The following TCF12 variants were observed in gnomAD, a reference collection of about 807,000 sequenced individuals.
TCF12 encodes the protein DNA-binding protein HTF4.
A neutral mutation model predicts 86.0 loss-of-function variants in TCF12; 45 were observed. That is an observed-to-expected ratio of 0.52 (90% CI 0.41 to 0.67). TCF12 has a LOEUF of 0.67. Ranked by LOEUF, TCF12 falls within the 30% of genes least tolerant of loss-of-function variation. The pLI is 0.00. For missense variants in TCF12, 881 were observed against 859.9 expected (o/e 1.02, Z -0.31); for synonymous variants, 330 against 299.6 (o/e 1.10, Z -1.05).
chr15:57,156,917 G>C (rs1297390923), intron 5 of TCF12, among the ~76,000 whole-genome samples: 1 of 152,174 alleles, frequency 6.6e-6, no homozygotes, highest in African/African-American at 2.4e-5. Context: ...ATTGATACAA[G>C]GATTTGGTGG....
chr15:57,256,268 A>G (rs2060341673), intron 16 of TCF12, among the ~76,000 whole-genome samples: 2 of 152,150 alleles, frequency 1.3e-5, no homozygotes, highest in African/African-American at 2.4e-5. Context: ...CATGTTATTG[A>G]GGAAGACTGT....
At chr15:56,967,812 A>G (rs1424658735) in intron 3 of TCF12, among the ~76,000 whole-genome samples, 1 of 152,212 alleles carries the variant, frequency 6.6e-6, no homozygotes, top group Non-Finnish European at 1.5e-5. Flanking sequence ...TTATCTGGGA[A>G]GAACTTAAAC....
At chr15:57,131,873 G>A (rs866282930) in intron 5 of TCF12, among the ~76,000 whole-genome samples, 1 of 152,086 alleles carries the variant, frequency 6.6e-6, no homozygotes, top group Admixed American at 6.5e-5. Context: ...TTCTGATTTG[G>A]GTCTGATGTC....
Position 57,071,265 on chromosome 15 carries a change from A to T in TCF12, c.222+7442A>T, listed in dbSNP as rs1435133765. 2.6e-5 allele frequency among the ~76,000 whole-genome samples: 4 copies of T among 151,408 alleles called. No individual in the cohort carries two copies. The East Asian group carries it at 7.8e-4, about 29-fold the overall frequency. ...CTACAAAAAATAGAAAAAAAAAAAA[A>T]TCCAGGTCTGGTGGTGCGCACCTGT... is the stretch of plus-strand genomic sequence containing the variant. On this transcript the variant is annotated intron_variant, in intron 4 of 20. Transcript: ENST00000333725.
intron 5 of TCF12, among the ~76,000 whole-genome samples, chr15:57,144,136 T>A (rs2053192785): frequency 6.6e-6 from 1 of 152,182 alleles, no homozygotes; most frequent in African/African-American, 2.4e-5. Context: ...AAGATGATGT[T>A]CTTGTATGGA....
At chr15:57,145,841 G>A (rs1478105924) in intron 5 of TCF12, among the ~76,000 whole-genome samples, 1 of 152,140 alleles carries the variant, frequency 6.6e-6, no homozygotes, top group African/African-American at 2.4e-5. Context: ...TGATAGTTGA[G>A]GGTAGGAAGG....
At chr15:57,046,280 C>A (rs2067227409) in intron 3 of TCF12, among the ~76,000 whole-genome samples, 1 of 152,198 alleles carries the variant, frequency 6.6e-6, no homozygotes, top group African/African-American at 2.4e-5. Flanking sequence ...CTAGCTAATT[C>A]TAAAGCATGT....
At chr15:57,241,961 C>A (rs929654717) in intron 12 of TCF12, among the ~76,000 whole-genome samples, 2 of 151,966 alleles carry the variant, frequency 1.3e-5, no homozygotes, top group Admixed American at 6.6e-5. Context: ...CACTGCACTC[C>A]AGCCTGGGTA....
chr15:57,170,690 A>ATATATATAT (rs2055322989), intron 6 of TCF12, among the ~76,000 whole-genome samples: 2 of 3,358 alleles, frequency 6.0e-4, no homozygotes, highest in African/African-American at 1.2e-3. Flanking sequence ...ATTATATATA[A>ATATATATAT]TATATATTAT....
intron 5 of TCF12, among the ~76,000 whole-genome samples, chr15:57,143,545 T>A (rs1336823971): frequency 1.3e-5 from 2 of 152,140 alleles, no homozygotes; most frequent in African/African-American, 4.8e-5. Context: ...AAAAATGGAT[T>A]TTGTGTTCCA....
intron 5 of TCF12, among the ~76,000 whole-genome samples, chr15:57,133,849 C>T (rs1259135328): frequency 6.6e-6 from 1 of 152,140 alleles, no homozygotes; most frequent in Non-Finnish European, 1.5e-5. Flanking sequence ...TTTTTACCTC[C>T]TCTTCATAAT....
chr15:57,089,085 G>T (rs963993864), intron 4 of TCF12, among the ~76,000 whole-genome samples: 2 of 152,182 alleles, frequency 1.3e-5, no homozygotes, highest in Non-Finnish European at 2.9e-5. Flanking sequence ...TGTATGCGAT[G>T]TAAAACTGTG....
At chr15:57,071,028 A>G (rs2069329157) in intron 4 of TCF12, among the ~76,000 whole-genome samples, 1 of 152,154 alleles carries the variant, frequency 6.6e-6, no homozygotes, top group Non-Finnish European at 1.5e-5. Context: ...AAATGCATTC[A>G]GTTTCTTAAA....
chr15:57,061,442 A>G (rs1425851198), intron 3 of TCF12, among the ~76,000 whole-genome samples: 1 of 152,182 alleles, frequency 6.6e-6, no homozygotes, highest in African/African-American at 2.4e-5. Flanking sequence ...AAAATAAAAA[A>G]AAAAATTAAT....
chr15:57,193,088 C>G (rs1262607240), intron 7 of TCF12, among the ~76,000 whole-genome samples: 1 of 152,150 alleles, frequency 6.6e-6, no homozygotes, highest in Non-Finnish European at 1.5e-5. Flanking sequence ...CTCATCTCAT[C>G]AGTTCACCAA....
In TCF12 at chr15:57,176,561, T is replaced by C. The variant is rs548445101; in HGVS notation, c.390+10095T>C. Reference sequence around the variant, plus strand: ...ACTCAAGTGGTGATATTGTTGCTGCTGTTGCGTCTGTTATTATTATTCCTC... The same window carrying C: ...ACTCAAGTGGTGATATTGTTGCTGCCGTTGCGTCTGTTATTATTATTCCTC... On this transcript the variant is annotated intron_variant, in intron 6 of 20. Transcript: ENST00000333725. 2.6e-5 allele frequency among the ~76,000 whole-genome samples: 4 copies of C among 152,342 alleles called. No homozygotes were observed. The East Asian group carries it at 7.7e-4, about 29-fold the overall frequency.
intron 3 of TCF12, among the ~76,000 whole-genome samples, chr15:57,020,241 A>G (rs1272276594): frequency 1.3e-5 from 2 of 152,244 alleles, no homozygotes; most frequent in Admixed American, 6.5e-5. Context: ...AGATGTGGTT[A>G]GGGGATGAGT....
chr15:57,231,630 A>C (rs1411198524), intron 9 of TCF12, among the ~76,000 whole-genome samples: 1 of 152,188 alleles, frequency 6.6e-6, no homozygotes, highest in African/African-American at 2.4e-5. Flanking sequence ...GAAAGAGTGA[A>C]TATCATAGAA....
chr15:57,285,014 A>G (rs1597921526), intron 20 of TCF12, among the ~76,000 whole-genome samples: 1 of 152,238 alleles, frequency 6.6e-6, no homozygotes, highest in Non-Finnish European at 1.5e-5. Context: ...ACTTTGTTCC[A>G]TAGATTGTAT....
Sources: allele counts gnomAD v4.1 joint callset (sites outside exome capture counted in the v4.1 genomes callset), GRCh38; gene constraint gnomAD v4.1.1; transcripts MANE v1.5; gene names NCBI Gene and HGNC (gene_info 2026-07-23, HGNC 2026-07-21).